The following PTP4A1 variants were observed in gnomAD, a reference collection of about 807,000 sequenced individuals.
PTP4A1 encodes the protein protein tyrosine phosphatase type IVA 1.
A neutral mutation model predicts 20.5 loss-of-function variants in PTP4A1; 9 were observed. That is an observed-to-expected ratio of 0.44 (90% CI 0.26 to 0.77). The LOEUF is 0.77. Ranked by LOEUF, PTP4A1 falls within the 30% of genes least tolerant of loss-of-function variation. PTP4A1 has a pLI of 0.19. For synonymous variants in PTP4A1, 78 were observed against 67.4 expected, an observed-to-expected ratio of 1.16 and a Z score of -0.77; for missense variants, 137 against 218.8, an observed-to-expected ratio of 0.63 and a Z score of 2.36.
At chr6:63,521,924 C>T (rs1774941089) in intron 1 of PTP4A1, 1 of 152,200 alleles carries the variant, frequency 6.6e-6, no homozygotes, top group African/African-American at 2.4e-5. Context: ...ATCTAATTCT[C>T]TTATTTTACA....
At chr6:63,521,087 G>T (rs1228149212), upstream of PTP4A1, among the ~76,000 whole-genome samples, 1 of 152,042 alleles carries the variant, frequency 6.6e-6, no homozygotes, top group Non-Finnish European at 1.5e-5. Flanking sequence ...CTGTCACGGG[G>T]TGGGGGAAAA....
upstream of PTP4A1, chr6:63,571,417 A>G (rs1303210027): frequency 6.6e-6 from 1 of 152,240 alleles, no homozygotes; most frequent in Admixed American, 6.5e-5. Flanking sequence ...TCCAGAGCTG[A>G]GGAGAAAGGG....
At chr6:63,572,477 G>A, upstream of PTP4A1, 1 of 388,472 alleles carries the variant, frequency 2.6e-6, no homozygotes, top group East Asian at 3.7e-5. Context: ...GTGACGCAAG[G>A]GCGCCTCGGC....
intron 1 of PTP4A1, among the ~76,000 whole-genome samples, chr6:63,526,360 C>T (rs1361916481): frequency 6.6e-6 from 1 of 151,840 alleles, no homozygotes; most frequent in East Asian, 1.9e-4. Flanking sequence ...TTTCCAGAAG[C>T]TTTGGGTTCT....
chr6:63,536,313 A>G, intron 2 of PTP4A1, among the ~76,000 whole-genome samples: 1 of 152,174 alleles, frequency 6.6e-6, no homozygotes. Flanking sequence ...CTGAGCAACA[A>G]GAGCTAGATT....
Position 63,579,193 on chromosome 6 carries a change from G to A in PTP4A1, c.330-64G>A, listed in dbSNP as rs1778062363. 6.0e-6 allele frequency: 9 copies of A among 1,509,468 alleles called. No individual in the cohort carries two copies. In the East Asian group the frequency reaches 2.1e-4, roughly 35 times the overall value. The allele number at this position is 1,509,468 out of a possible 1,614,324, so 93.5% of individuals were successfully genotyped here. On this transcript the variant is annotated intron_variant, in intron 4 of 5. Transcript: ENST00000626021. The stretch of plus-strand genomic sequence containing the variant: ...ATACTTCTGAGTTGGGGAATGTTTG[G>A]AGAAATAAATTTACAAAGATCTGAT...
Position 63,582,110 on chromosome 6 carries a change from C to T in PTP4A1, c.*1936C>T, listed in dbSNP as rs1778275582. 6.6e-6 allele frequency: 1 copy of T among 151,950 alleles called. No homozygotes were observed. Among genetic ancestry groups the T allele is most frequent in the South Asian group, 2.1e-4 (1 of 4,826 alleles). 9.4% of individuals were successfully genotyped at this position (151,950 alleles called of 1,614,324 possible). A position where few individuals can be genotyped will look rare whatever the true frequency, so the allele number is the denominator to read the frequency against. ...AGGGCAAAAGGAAGAACAGGGGCCT[C>T]TGGAGGCCCTTGGTTATTTAAATCT... On this transcript the variant is annotated 3_prime_UTR_variant, in exon 6 of 6. Transcript: ENST00000626021.
At chr6:63,545,734 A>G (rs891814061) in intron 2 of PTP4A1, among the ~76,000 whole-genome samples, 1 of 152,216 alleles carries the variant, frequency 6.6e-6, no homozygotes, top group African/African-American at 2.4e-5. Flanking sequence ...GTATTTAGGA[A>G]CCAAAATCTG....
chr6:63,562,205 T>C (rs1581938147), intron 3 of PTP4A1, among the ~76,000 whole-genome samples: 1 of 151,054 alleles, frequency 6.6e-6, no homozygotes, highest in Admixed American at 6.6e-5. Context: ...CTTTTTCTTT[T>C]TTTTTTTTTT....
chr6:63,534,038 T>A (rs1021130109), intron 2 of PTP4A1, among the ~76,000 whole-genome samples: 4 of 152,076 alleles, frequency 2.6e-5, no homozygotes, highest in African/African-American at 9.6e-5. Context: ...GAGATGGGGT[T>A]TCACCATTTT....
intron 5 of PTP4A1, among the ~76,000 whole-genome samples, chr6:63,579,705 T>G (rs1300102445): frequency 6.6e-6 from 1 of 152,208 alleles, no homozygotes; most frequent in Non-Finnish European, 1.5e-5. Context: ...TAGAATATTT[T>G]GAGTGCTGTA....
intron 3 of PTP4A1, among the ~76,000 whole-genome samples, chr6:63,566,009 G>A (rs1329087822): frequency 2.0e-5 from 3 of 152,174 alleles, no homozygotes; most frequent in Non-Finnish European, 4.4e-5. Flanking sequence ...TTACAATAAA[G>A]GAAGCCACAT....
chr6:63,537,957 G>A (rs1483942464), intron 2 of PTP4A1, among the ~76,000 whole-genome samples: 1 of 152,202 alleles, frequency 6.6e-6, no homozygotes, highest in African/African-American at 2.4e-5. Flanking sequence ...AGGATGTAGT[G>A]TCACAGACAA....
Position 63,576,722 on chromosome 6 carries a change from G to A in PTP4A1, c.-159G>A, listed in dbSNP as rs1777887333. ...GAAGAATTGCTGCTTCTTGTTAGGA[G>A]GTTCATTTCACTTATCATTACTTAC... On this transcript the variant is annotated 5_prime_UTR_variant, in exon 2 of 6. Transcript: ENST00000626021. 1 of 629,090 alleles carries A rather than the reference G, an allele frequency of 1.6e-6. No homozygotes were observed. Among genetic ancestry groups the A allele is most frequent in the African/African-American group, 1.9e-5 (1 of 53,788 alleles). 39.0% of individuals were successfully genotyped at this position (629,090 alleles called of 1,614,324 possible).
At chr6:63,562,108 T>G (rs1776985612) in intron 3 of PTP4A1, among the ~76,000 whole-genome samples, 1 of 151,882 alleles carries the variant, frequency 6.6e-6, no homozygotes, top group Non-Finnish European at 1.5e-5. Flanking sequence ...CTGTTAACAT[T>G]TTAGTTTATT....
At chr6:63,524,084 T>G (rs766041641) in intron 1 of PTP4A1, among the ~76,000 whole-genome samples, 10 of 152,204 alleles carry the variant, frequency 6.6e-5, no homozygotes, top group Middle Eastern at 3.4e-3. Context: ...CAGGTTCAAG[T>G]GATTCTCCCC....
upstream of PTP4A1, among the ~76,000 whole-genome samples, chr6:63,520,711 A>G (rs1042806829): frequency 1.3e-5 from 2 of 152,026 alleles, no homozygotes; most frequent in African/African-American, 2.4e-5. Context: ...CTTTGGCACA[A>G]TTGTTCACCT....
At chr6:63,579,865 A>C (rs1438777886) in intron 5 of PTP4A1, among the ~76,000 whole-genome samples, 192 bp from the exon 6 acceptor site, 1 of 152,192 alleles carries the variant, frequency 6.6e-6, no homozygotes, top group Non-Finnish European at 1.5e-5. Flanking sequence ...CGAAGATATA[A>C]AGAAAATTAA....
upstream of PTP4A1, among the ~76,000 whole-genome samples, chr6:63,521,318 G>A (rs140661113): frequency 1.3e-5 from 2 of 152,234 alleles, no homozygotes; most frequent in East Asian, 1.9e-4. Flanking sequence ...CTGGCTTGTC[G>A]TATTCTAGCA....
Sources: gnomAD v4.1 joint callset for allele counts (sites outside exome capture counted in the v4.1 genomes callset) on GRCh38, gnomAD v4.1.1 for gene constraint, MANE v1.5 for transcripts, NCBI Gene and HGNC (gene_info 2026-07-23, HGNC 2026-07-21) for gene names.